The following GRIA2 variants were observed in gnomAD, a reference collection of about 807,000 sequenced individuals.
GRIA2 encodes the protein glutamate receptor 2.
GRIA2 carries 14 observed loss-of-function variants against 97.3 expected under a neutral mutation model. The observed-to-expected ratio is 0.14, with a 90% CI of 0.10 to 0.23. The LOEUF (loss-of-function observed/expected upper bound fraction) is 0.23. GRIA2 is among the 10% of genes least tolerant of loss of function. The pLI is 1.00. For missense variants in GRIA2, 558 were observed against 1,069.8 expected (o/e 0.52, Z 6.67); for synonymous variants, 412 against 387.8 (o/e 1.06, Z -0.73).
chr4:157,238,321 A>G (rs1730343517), intron 2 of GRIA2, among the ~76,000 whole-genome samples: 1 of 152,168 alleles, frequency 6.6e-6, no homozygotes, highest in South Asian at 2.1e-4. Flanking sequence ...TATTTTGTAG[A>G]ACTATGAACT....
chr4:157,338,008 G>GTATA (rs70958818), intron 11 of GRIA2, among the ~76,000 whole-genome samples: 243 of 79,222 alleles, frequency 3.1e-3, no homozygotes, highest in African/African-American at 5.9e-3. Flanking sequence ...ATATATATGT[G>GTATA]TATATATATA....
intron 2 of GRIA2, among the ~76,000 whole-genome samples, chr4:157,262,087 A>G (rs546398294): frequency 2.0e-5 from 3 of 152,148 alleles, no homozygotes; most frequent in African/African-American, 7.2e-5. Flanking sequence ...TTTTTTAATG[A>G]CCAAAATTGT....
chr4:157,222,031 CAA>C, intron 2 of GRIA2, among the ~76,000 whole-genome samples: 1 of 152,130 alleles, frequency 6.6e-6, no homozygotes, highest in Non-Finnish European at 1.5e-5. Flanking sequence ...GAAAGGACGT[CAA>C]GAGTGTGCGC....
intron 11 of GRIA2, among the ~76,000 whole-genome samples, chr4:157,338,008 GTA>G (rs70958818): frequency 0.05 from 3,972 of 79,128 alleles, 80 homozygotes; most frequent in African/African-American, 0.11. Context: ...ATATATATGT[GTA>G]TATATATATA....
chr4:157,229,497 G>T (rs186429056), intron 2 of GRIA2, among the ~76,000 whole-genome samples: 2 of 152,252 alleles, frequency 1.3e-5, no homozygotes, highest in African/African-American at 2.4e-5. Context: ...GAGATACCAG[G>T]TTCCTTATAG....
chr4:157,275,030 T>TTGTTTC (rs1288379992), intron 2 of GRIA2, among the ~76,000 whole-genome samples: 8 of 151,932 alleles, frequency 5.3e-5, no homozygotes, highest in African/African-American at 1.9e-4. Flanking sequence ...CCAGCGCCTG[T>TTGTTTC]TGTTTCCTGA....
At chr4:157,303,245 T>A (rs1439915727) in intron 2 of GRIA2, among the ~76,000 whole-genome samples, 1 of 152,122 alleles carries the variant, frequency 6.6e-6, no homozygotes, top group Admixed American at 6.5e-5. Flanking sequence ...TATAGCTAAT[T>A]TTTTTTACCC....
rs1316578138 is a variant in GRIA2 at position 157,220,947 on chromosome 4, A to G, written c.-96A>G. On this transcript the variant is annotated 5_prime_UTR_variant, in exon 1 of 16. Coordinates refer to ENST00000264426, the MANE Select transcript of GRIA2 (RefSeq NM_001083619.3). Reference sequence around the variant, plus strand: ...GTGCTAAATTGCTGTCTCAAAATGCAGAGGATCTAATTTGCAGAGGAAAAC... The same window carrying G: ...GTGCTAAATTGCTGTCTCAAAATGCGGAGGATCTAATTTGCAGAGGAAAAC... 1.4e-6 allele frequency: 1 copy of G among 735,458 alleles called. No homozygotes were observed. Among genetic ancestry groups the G allele is most frequent in the African/African-American group, 1.7e-5 (1 of 57,414 alleles). 45.6% of individuals were successfully genotyped at this position (735,458 alleles called of 1,614,324 possible). A position where few individuals can be genotyped will look rare whatever the true frequency, so the allele number is the denominator to read the frequency against.
At chr4:157,239,556 C>T (rs935022267) in intron 2 of GRIA2, among the ~76,000 whole-genome samples, 1 of 151,782 alleles carries the variant, frequency 6.6e-6, no homozygotes, top group African/African-American at 2.4e-5. Context: ...TAATAATATA[C>T]TTGAAACTAT....
intron 6 of GRIA2, among the ~76,000 whole-genome samples, chr4:157,325,745 A>G (rs1734775977): frequency 6.6e-6 from 1 of 152,022 alleles, no homozygotes; most frequent in Non-Finnish European, 1.5e-5. Context: ...TTCTCTTGTA[A>G]TCTACATCCT....
At chr4:157,324,447 A>G (rs1734717432) in intron 6 of GRIA2, among the ~76,000 whole-genome samples, 1 of 152,236 alleles carries the variant, frequency 6.6e-6, no homozygotes, top group Admixed American at 6.5e-5. Flanking sequence ...AGACTGATAA[A>G]ATATGCCAGT....
chr4:157,351,565 T>A (rs1736011530), intron 12 of GRIA2, among the ~76,000 whole-genome samples: 1 of 152,222 alleles, frequency 6.6e-6, no homozygotes, highest in Non-Finnish European at 1.5e-5. Flanking sequence ...AAAGATATGA[T>A]TCTATGACTA....
At chr4:157,277,269 AAC>A (rs1412372727) in intron 2 of GRIA2, among the ~76,000 whole-genome samples, 2 of 151,916 alleles carry the variant, frequency 1.3e-5, no homozygotes. Context: ...CACATCAACA[AAC>A]TAAAAAAGAA....
intron 12 of GRIA2, among the ~76,000 whole-genome samples, chr4:157,355,673 T>A (rs1474695449): frequency 9.2e-6 from 1 of 108,424 alleles, no homozygotes; most frequent in Non-Finnish European, 1.9e-5. Context: ...TTTATTTTTA[T>A]ATATTTATTT....
At chr4:157,237,499 C>A (rs989714177) in intron 2 of GRIA2, among the ~76,000 whole-genome samples, 1 of 151,994 alleles carries the variant, frequency 6.6e-6, no homozygotes, top group Non-Finnish European at 1.5e-5. Flanking sequence ...GGGCTAGTCT[C>A]AAACTCCTGG....
chr4:157,250,175 A>C (rs550436002), intron 2 of GRIA2, among the ~76,000 whole-genome samples: 1 of 152,252 alleles, frequency 6.6e-6, no homozygotes, highest in East Asian at 1.9e-4. Flanking sequence ...TACAAGTATA[A>C]CTGCTTCAAG....
intron 11 of GRIA2, 125 bp from the exon 12 acceptor site, chr4:157,341,139 A>G (rs1249220994): frequency 2.9e-6 from 2 of 679,416 alleles, no homozygotes; most frequent in Non-Finnish European, 5.2e-6. Flanking sequence ...ATTAACTAGT[A>G]GATACATTGA....
rs144637439 is a variant in GRIA2, at chr4:157,303,733, T to C, written c.411T>C (p.Leu137=). Residue 137 remains leucine, a synonymous_variant, in exon 3 of 16, where the codon CTT becomes CTC. Coordinates refer to ENST00000264426, the MANE Select transcript of GRIA2 (RefSeq NM_001083619.3). ...GACCCGACCTCAAAGGAGCTCTCCT[T>C]AGCTTGATTGAATACTATCAATGGG... ...QMRPDLKGAL[L]SLIEYYQWDK... is the part of the protein sequence containing the mutation. 9 of 1,613,836 alleles carry C rather than the reference T, an allele frequency of 5.6e-6. No individual in the cohort carries two copies. Among genetic ancestry groups the C allele is most frequent in the Non-Finnish European group, 7.6e-6 (9 of 1,179,772 alleles).
At chr4:157,287,854 A>G (rs1306458926) in intron 2 of GRIA2, among the ~76,000 whole-genome samples, 1 of 151,636 alleles carries the variant, frequency 6.6e-6, no homozygotes, top group East Asian at 1.9e-4. Context: ...ATTAATTGTC[A>G]TGAAGACAGT....
Sources: gnomAD v4.1 joint callset for allele counts (sites outside exome capture counted in the v4.1 genomes callset) on GRCh38, gnomAD v4.1.1 for gene constraint, MANE v1.5 for transcripts, NCBI Gene and HGNC (gene_info 2026-07-23, HGNC 2026-07-21) for gene names.